The following IFFO2 variants were observed in gnomAD, a reference collection of about 807,000 sequenced individuals.
IFFO2 encodes intermediate filament family orphan 2.
A neutral mutation model predicts 53.5 loss-of-function variants in IFFO2; 19 were observed. The observed-to-expected ratio is 0.36, with a 90% CI of 0.25 to 0.52. IFFO2 has a LOEUF of 0.52. IFFO2 is among the 20% of genes least tolerant of loss of function. The pLI, the probability that IFFO2 is intolerant of heterozygous loss-of-function variation, is 0.94. For synonymous variants in IFFO2, 303 were observed against 313.6 expected (o/e 0.97, Z 0.36); for missense variants, 570 against 727.4 (o/e 0.78, Z 2.49).
intron 5 of IFFO2, among the ~76,000 whole-genome samples, chr1:18,912,378 A>G (rs1368511586): frequency 6.6e-6 from 1 of 152,040 alleles, no homozygotes; most frequent in Non-Finnish European, 1.5e-5. Flanking sequence ...CAATCTTGCA[A>G]TTTTCCTCAT....
intron 1 of IFFO2, among the ~76,000 whole-genome samples, chr1:18,921,415 C>T (rs1001328796): frequency 2.0e-5 from 3 of 152,212 alleles, no homozygotes; most frequent in Admixed American, 6.5e-5. Context: ...ACCCTGCCTG[C>T]ATGCAAACTG....
intron 1 of IFFO2, among the ~76,000 whole-genome samples, chr1:18,927,279 G>A (rs1936315164): frequency 6.6e-6 from 1 of 152,222 alleles, no homozygotes; most frequent in African/African-American, 2.4e-5. Context: ...GGGAAGGCGA[G>A]CGGCCGGCAC....
At chr1:18,935,900 T>G (rs1163693813) in intron 1 of IFFO2, among the ~76,000 whole-genome samples, 1 of 136,846 alleles carries the variant, frequency 7.3e-6, no homozygotes, top group Non-Finnish European at 1.5e-5. Flanking sequence ...AGAGACAAGG[T>G]CTCACTATGT....
intron 1 of IFFO2, among the ~76,000 whole-genome samples, chr1:18,954,692 C>T (rs553421049): frequency 2.6e-5 from 4 of 152,312 alleles, no homozygotes; most frequent in African/African-American, 9.6e-5. Context: ...CTCCTCTTAT[C>T]GGAAAGCCAA....
At position 18,956,225 on chromosome 1, in the gene IFFO2, C is replaced by T. The variant is rs1349855331; in HGVS notation, c.108G>A (p.Gly36=). The T allele has an allele frequency of 6.2e-6, 8 of 1,280,678 alleles. No individual in the cohort carries two copies. The highest frequency in any genetic ancestry group is 8.1e-6 in the Non-Finnish European group (8 of 990,074). The allele number at this position is 1,280,678 out of a possible 1,614,324, so 79.3% of individuals were successfully genotyped here. ...PGGGGGGGGA[G]PGPSPVTAAL... Reference sequence around the variant, plus strand: ...CCGCCGTCACCGGCGACGGACCCGGCCCTGCCCCGCCGCCGCCGCCGCCCC... The same window carrying T: ...CCGCCGTCACCGGCGACGGACCCGGTCCTGCCCCGCCGCCGCCGCCGCCCC... Residue 36 remains glycine (G), a synonymous_variant, in exon 1 of 9, where the codon GGG becomes GGA. Coordinates refer to ENST00000455833, the MANE Select transcript of IFFO2 (RefSeq NM_001136265.2). The surrounding 1 kb of genome is among the most constrained non-coding windows in gnomAD (Gnocchi z 6.4).
chr1:18,911,920 G>C, intron 6 of IFFO2, 43 bp downstream of exon 6: 1 of 1,548,964 alleles, frequency 6.5e-7, no homozygotes, highest in Non-Finnish European at 8.7e-7. Context: ...GTGTCCCCCA[G>C]ACCCCTAGTC....
rs1222797323 is a variant in IFFO2, at chr1:18,936,255, C to G, written c.666-15134G>C. ...CCCAAACAACCTCCACAGTCCAGGC[C>G]AACTCTGCTACTCTCTTCTCTGCAC... On this transcript the variant is annotated intron_variant, in intron 1 of 8. Transcript: ENST00000455833. This position sits in a 1 kb window ranked among gnomAD's most constrained non-coding sequence, Gnocchi z 4.5. 6.6e-6 allele frequency among the ~76,000 whole-genome samples: 1 copy of G among 152,204 alleles called. No individual in the cohort carries two copies. Among genetic ancestry groups the G allele is most frequent in the East Asian group, 1.9e-4 (1 of 5,204 alleles).
At position 18,936,532 on chromosome 1, in the gene IFFO2, C is replaced by T. The variant is rs1936449530; in HGVS notation, c.666-15411G>A. On this transcript the variant is annotated intron_variant, in intron 1 of 8. Transcript: ENST00000455833. The surrounding 1 kb of genome is among the most constrained non-coding windows in gnomAD (Gnocchi z 4.5). ...GTCTGTGCCCAGGAGAGTGTGGGGG[C>T]CCCCAGGCCCAGGGTTATGTTTACA... Among the ~76,000 whole-genome samples the T allele has an allele frequency of 6.6e-6, 1 of 152,174 alleles. No homozygotes were observed. Among genetic ancestry groups the T allele is most frequent in the Non-Finnish European group, 1.5e-5 (1 of 68,022 alleles).
At chr1:18,920,756 G>A (rs1162874731) in intron 2 of IFFO2, among the ~76,000 whole-genome samples, 1 of 152,182 alleles carries the variant, frequency 6.6e-6, no homozygotes, top group South Asian at 2.1e-4. Flanking sequence ...AGACAGTGAC[G>A]GGTGAGAAGG....
intron 1 of IFFO2, among the ~76,000 whole-genome samples, chr1:18,941,403 A>C (rs1326691558): frequency 6.6e-6 from 1 of 152,222 alleles, no homozygotes; most frequent in Non-Finnish European, 1.5e-5. Flanking sequence ...CCTTTGTCTC[A>C]CAGATGAAAC....
chr1:18,937,698 G>A (rs1936467192), intron 1 of IFFO2, among the ~76,000 whole-genome samples: 1 of 152,220 alleles, frequency 6.6e-6, no homozygotes, highest in Non-Finnish European at 1.5e-5. Context: ...TCACCAAGGT[G>A]CAGTGACTCA....
intron 5 of IFFO2, among the ~76,000 whole-genome samples, chr1:18,914,616 AG>A (rs1324155940): frequency 6.6e-6 from 1 of 152,042 alleles, no homozygotes; most frequent in Non-Finnish European, 1.5e-5. Flanking sequence ...CAGGAGTTTG[AG>A]ACTAGCCTGG....
In IFFO2 at chr1:18,920,349, A is replaced by T. The variant is rs181877043; in HGVS notation, c.727-576T>A. On this transcript the variant is annotated intron_variant, in intron 2 of 8. Transcript: ENST00000455833. The stretch of plus-strand genomic sequence containing the variant: ...GATATTCAACCTTTTCCTTCTACGC[A>T]TTGACAATTATCTTAATCTGTCTCT... Among the ~76,000 whole-genome samples the T allele has an allele frequency of 1.4e-3, 219 of 152,370 alleles. 2 individuals are homozygous for T. The highest frequency in any genetic ancestry group is 5.0e-3 in the African/African-American group (209 of 41,586).
rs954546877 is a variant in IFFO2, at chr1:18,925,485, C to T, written c.666-4364G>A. On this transcript the variant is annotated intron_variant, in intron 1 of 8. Coordinates refer to ENST00000455833, the MANE Select transcript of IFFO2 (RefSeq NM_001136265.2). ...AGTGATGGCTCCATTGTGTGGTCAC[C>T]GCCACTTCCACCTTCCCCACCGCCA... Among the ~76,000 whole-genome samples, 5 of 152,162 alleles carry T rather than the reference C, an allele frequency of 3.3e-5. No homozygotes were observed. In the East Asian group the frequency reaches 5.8e-4, roughly 18 times the overall value.
In IFFO2 at chr1:18,947,691, A is replaced by G. The variant is rs1936607941; in HGVS notation, c.665+7977T>C. Among the ~76,000 whole-genome samples the G allele has an allele frequency of 6.6e-6, 1 of 152,100 alleles. No homozygotes were observed. The highest frequency in any genetic ancestry group is 1.5e-5 in the Non-Finnish European group (1 of 67,998). On this transcript the variant is annotated intron_variant, in intron 1 of 8. Transcript: ENST00000455833. The surrounding 1 kb of genome is among the most constrained non-coding windows in gnomAD (Gnocchi z 5.0). ...CCAGCCCCCATTGAGACCTTCTCCA[A>G]AGAGCAGGGGCCTGGACAGGCCTGC...
Position 18,908,493 on chromosome 1 carries a change from C to T in IFFO2, c.*68G>A, listed in dbSNP as rs1935984754. The T allele has an allele frequency of 3.3e-6, 4 of 1,198,364 alleles. No individual in the cohort carries two copies. Among genetic ancestry groups the T allele is most frequent in the South Asian group, 1.3e-5 (1 of 77,040 alleles). 74.2% of individuals were successfully genotyped at this position (1,198,364 alleles called of 1,614,324 possible). A position where few individuals can be genotyped will look rare whatever the true frequency, so the allele number is the denominator to read the frequency against. On this transcript the variant is annotated 3_prime_UTR_variant, in exon 9 of 9. Coordinates refer to ENST00000455833, the MANE Select transcript of IFFO2 (RefSeq NM_001136265.2). Reference sequence around the variant, plus strand: ...TTCGAACCCCACTCCGAGGGGCCTTCCTGGCCCCATGAGGAGAGGTGGCAG... The same window carrying T: ...TTCGAACCCCACTCCGAGGGGCCTTTCTGGCCCCATGAGGAGAGGTGGCAG...
rs1311630258 is a variant in IFFO2, at chr1:18,906,928, T to A, written c.*1633A>T. 1 of 152,156 alleles carries A rather than the reference T, an allele frequency of 6.6e-6. No homozygotes were observed. Among genetic ancestry groups the A allele is most frequent in the Non-Finnish European group, 1.5e-5 (1 of 68,026 alleles). 9.4% of individuals were successfully genotyped at this position (152,156 alleles called of 1,614,324 possible). ...CGCTCTCTCTCTCTCTCTACATATATCTTTTATGTACAGTATTTTTAAGAC... is the reference window on the plus strand; with the variant it reads ...CGCTCTCTCTCTCTCTCTACATATAACTTTTATGTACAGTATTTTTAAGAC... On this transcript the variant is annotated 3_prime_UTR_variant, in exon 9 of 9. Transcript: ENST00000455833.
chr1:18,949,846 G>A (rs28367561), intron 1 of IFFO2, among the ~76,000 whole-genome samples: 120,840 of 152,230 alleles, frequency 0.79, 49,104 homozygotes, highest in East Asian at 0.96. Flanking sequence ...AGGGGGACCC[G>A]GGGACCCGCA....
chr1:18,939,798 A>T (rs1028016063), intron 1 of IFFO2, among the ~76,000 whole-genome samples: 7 of 152,178 alleles, frequency 4.6e-5, no homozygotes, highest in Non-Finnish European at 7.4e-5. Context: ...AGCAGTAGGG[A>T]TCATGGTTAG....
Sources: gnomAD v4.1 joint callset for allele counts (sites outside exome capture counted in the v4.1 genomes callset) on GRCh38, gnomAD v4.1.1 for gene constraint, Gnocchi (gnomAD v3.1) non-coding constraint, MANE v1.5 for transcripts, NCBI Gene and HGNC (gene_info 2026-07-23, HGNC 2026-07-21) for gene names.